The following ZNF469 variants were observed in gnomAD, a reference collection of about 807,000 sequenced individuals.
ZNF469 encodes zinc finger protein 469.
ZNF469 carries 1 observed loss-of-function variant against 1.0 expected under a neutral mutation model. The ratio of observed to expected loss-of-function variants is 1.00; its 90% CI spans 0.35 to 4.73. ZNF469 has a LOEUF of 4.73. ZNF469 is among the 30% of genes most tolerant of loss of function. ZNF469 has a pLI of 0.16. For synonymous variants in ZNF469, 2,703 were observed against 2,363.4 expected (o/e 1.14, Z -4.17); for missense variants, 6,100 against 5,356.3 (o/e 1.14, Z -4.33).
the ZNF469 span, among the ~76,000 whole-genome samples, chr16:88,140,743 CCA>C: frequency 6.6e-6 from 1 of 152,100 alleles, no homozygotes; most frequent in African/African-American, 2.4e-5. Flanking sequence ...ACCAGCCTGG[CCA>C]ACATGGCGAA....
chr16:88,109,693 G>A, the ZNF469 span, among the ~76,000 whole-genome samples: 9 of 141,022 alleles, frequency 6.4e-5, no homozygotes, highest in African/African-American at 1.1e-4. Context: ...GGTGCTGAGC[G>A]TCTGTGTCCA....
At chr16:88,312,188 A>G in the ZNF469 span, among the ~76,000 whole-genome samples, 2 of 152,190 alleles carry the variant, frequency 1.3e-5, no homozygotes, top group Non-Finnish European at 2.9e-5. Context: ...CCATGATTCA[A>G]TTATCTCCCA....
upstream of ZNF469, among the ~76,000 whole-genome samples, chr16:88,381,340 A>G (rs532693391): frequency 7.0e-6 from 1 of 141,904 alleles, no homozygotes; most frequent in Non-Finnish European, 1.5e-5. Context: ...GCACTCGCAC[A>G]CAGACACACA....
the ZNF469 span, among the ~76,000 whole-genome samples, chr16:88,309,564 G>A: frequency 2.0e-5 from 3 of 149,794 alleles, no homozygotes; most frequent in African/African-American, 7.5e-5. Flanking sequence ...AGTACCCTCT[G>A]AGGTCCCCTC....
At chr16:88,172,648 A>T in the ZNF469 span, among the ~76,000 whole-genome samples, 923 of 152,386 alleles carry the variant, frequency 6.1e-3, 5 homozygotes, top group African/African-American at 0.019. Flanking sequence ...GTGGGAATCA[A>T]TCATAAGTGA....
the ZNF469 span, among the ~76,000 whole-genome samples, chr16:88,242,691 A>C: frequency 6.6e-6 from 1 of 152,280 alleles, no homozygotes; most frequent in African/African-American, 2.4e-5. Flanking sequence ...GGTCCTAGGC[A>C]GCAGCGGGTT....
At chr16:88,359,629 T>G in the ZNF469 span, among the ~76,000 whole-genome samples, 2 of 152,250 alleles carry the variant, frequency 1.3e-5, no homozygotes, top group South Asian at 2.1e-4. Context: ...ATCTCTGTCT[T>G]TTTTGTATTG....
the ZNF469 span, among the ~76,000 whole-genome samples, chr16:88,226,639 C>G: frequency 2.0e-5 from 3 of 152,194 alleles, no homozygotes; most frequent in East Asian, 5.8e-4. Flanking sequence ...ATGTCACCCT[C>G]CAGACACCGA....
At chr16:88,254,336 G>C in the ZNF469 span, among the ~76,000 whole-genome samples, 3 of 152,144 alleles carry the variant, frequency 2.0e-5, no homozygotes, top group Non-Finnish European at 4.4e-5. Flanking sequence ...TCTATGTCTA[G>C]ATTCTCTAAT....
chr16:88,160,972 G>T, the ZNF469 span, among the ~76,000 whole-genome samples: 1 of 152,162 alleles, frequency 6.6e-6, no homozygotes, highest in Non-Finnish European at 1.5e-5. Context: ...GCAAAACAAT[G>T]TCTCTATATT....
rs919275530 is a variant in ZNF469 at position 88,424,703 on chromosome 16, G to A, written c.-191-104G>A. Among the ~76,000 whole-genome samples the A allele has an allele frequency of 4.6e-5, 7 of 152,180 alleles. No individual in the cohort carries two copies. In the East Asian group the frequency reaches 5.8e-4, roughly 13 times the overall value. On this transcript the variant is annotated intron_variant, in intron 1 of 2. Coordinates refer to ENST00000565624, the MANE Select transcript of ZNF469 (RefSeq NM_001367624.2). The surrounding 1 kb of genome is among the most constrained non-coding windows in gnomAD (Gnocchi z 4.3). ...TTCCCGGTGCCCTGAGGCCACAGCC[G>A]GCTCTGCCCAGGAGCCGCTCCCTCC... is the stretch of plus-strand genomic sequence containing the variant.
rs1483361659 is a variant in ZNF469, at chr16:88,433,173, C to G, written c.5703C>G (p.Pro1901=). The G allele has an allele frequency of 1.3e-6, 2 of 1,550,232 alleles. No individual in the cohort carries two copies. The highest frequency in any genetic ancestry group is 1.4e-5 in the African/African-American group (1 of 73,052). The change falls in exon 3 of 3, where the codon CCC becomes CCG. Residue 1901 remains proline (P), a synonymous_variant. Coordinates refer to ENST00000565624, the MANE Select transcript of ZNF469 (RefSeq NM_001367624.2). ...CCCAGGACCCAGCTTTGAGCCCCCCCATACGTCAGCTCCAGCTCCCAGGGC... is the reference window on the plus strand; with the variant it reads ...CCCAGGACCCAGCTTTGAGCCCCCCGATACGTCAGCTCCAGCTCCCAGGGC... ...RRSQDPALSP[P]IRQLQLPGPG...
the ZNF469 span, among the ~76,000 whole-genome samples, chr16:88,367,984 C>T: frequency 2.0e-5 from 3 of 152,314 alleles, no homozygotes; most frequent in African/African-American, 2.4e-5. Context: ...GACGAAAGCA[C>T]GCCCGATCTC....
At chr16:88,104,205 G>A in the ZNF469 span, among the ~76,000 whole-genome samples, 6 of 147,872 alleles carry the variant, frequency 4.1e-5, no homozygotes, top group African/African-American at 1.5e-4. Context: ...GCCTGCACCA[G>A]GACTGTCCGA....
At chr16:88,292,289 C>A in the ZNF469 span, among the ~76,000 whole-genome samples, 1 of 152,160 alleles carries the variant, frequency 6.6e-6, no homozygotes, top group African/African-American at 2.4e-5. Flanking sequence ...CACCGAGGAC[C>A]ATGCATTTCC....
chr16:88,328,743 C>T, the ZNF469 span, among the ~76,000 whole-genome samples: 1 of 152,268 alleles, frequency 6.6e-6, no homozygotes, highest in Non-Finnish European at 1.5e-5. Flanking sequence ...GGAGAGGGTG[C>T]GGTGTGAGCA....
the ZNF469 span, among the ~76,000 whole-genome samples, chr16:88,116,251 G>A: frequency 1.1e-4 from 16 of 152,308 alleles, no homozygotes; most frequent in East Asian, 1.7e-3. Context: ...GTCGGGAAAC[G>A]CACTGAGACC....
the ZNF469 span, among the ~76,000 whole-genome samples, chr16:88,348,631 C>A: frequency 6.6e-6 from 1 of 152,192 alleles, no homozygotes; most frequent in Non-Finnish European, 1.5e-5. Flanking sequence ...TGAGGGACAG[C>A]ACTGACCAGG....
chr16:88,303,881 C>G, the ZNF469 span, among the ~76,000 whole-genome samples: 1 of 152,188 alleles, frequency 6.6e-6, no homozygotes, highest in African/African-American at 2.4e-5. Context: ...ACAGGCCACA[C>G]TCAGTGCCAC....
Sources: allele counts gnomAD v4.1 joint callset (sites outside exome capture counted in the v4.1 genomes callset), GRCh38; gene constraint gnomAD v4.1.1; non-coding constraint Gnocchi (gnomAD v3.1); transcripts MANE v1.5; gene names NCBI Gene and HGNC (gene_info 2026-07-23, HGNC 2026-07-21).